SH3GL2: variants seen among roughly 807,000 people sequenced by gnomAD.
SH3GL2 encodes the protein SH3 domain containing GRB2 like 2, endophilin A1.
In SH3GL2, 24 loss-of-function variants were observed where a neutral mutation model predicts 46.0. The observed-to-expected ratio is 0.52, with a 90% CI of 0.38 to 0.73. SH3GL2 has a LOEUF of 0.73. SH3GL2 is among the 30% of genes least tolerant of loss of function. The probability of loss-of-function intolerance (pLI) is 0.00; values close to 1 mark genes in which losing one functional copy is unlikely to be tolerated. For missense variants in SH3GL2, 413 were observed against 424.2 expected (o/e 0.97, Z 0.23); for synonymous variants, 196 against 147.1 (o/e 1.33, Z -2.40).
intron 1 of SH3GL2, among the ~76,000 whole-genome samples, chr9:17,581,510 T>A (rs1818276786): frequency 6.6e-6 from 1 of 152,206 alleles, no homozygotes; most frequent in African/African-American, 2.4e-5. Context: ...TAGGAGAGTA[T>A]GTAAAGCCCA....
chr9:17,589,460 A>C (rs1588158974), intron 1 of SH3GL2: 1 of 150,722 alleles, frequency 6.6e-6, no homozygotes, highest in Admixed American at 6.6e-5. Context: ...TTTTTTTTTT[A>C]ACAGTGGCAC....
Position 17,605,326 on chromosome 9 carries a change from C to T in SH3GL2, c.45+26039C>T, listed in dbSNP as rs548685769. On this transcript the variant is annotated intron_variant, in intron 1 of 8. Coordinates refer to ENST00000380607, the MANE Select transcript of SH3GL2 (RefSeq NM_003026.5). ...CCAGGTAATAGACATCCCCTCACTA[C>T]TGACTCATCCTCTTCCTGACTGTTT... is the stretch of plus-strand genomic sequence containing the variant. 3.5e-4 allele frequency among the ~76,000 whole-genome samples: 53 copies of T among 152,262 alleles called. No homozygotes were observed. In the South Asian group the frequency reaches 0.01, roughly 30 times the overall value.
intron 6 of SH3GL2, among the ~76,000 whole-genome samples, chr9:17,790,809 A>G (rs946220689): frequency 2.6e-5 from 4 of 152,130 alleles, no homozygotes; most frequent in African/African-American, 9.7e-5. Context: ...ACATTATGTG[A>G]GATATTGTCA....
intron 1 of SH3GL2, among the ~76,000 whole-genome samples, chr9:17,738,655 G>A (rs1405382418): frequency 7.8e-6 from 1 of 127,568 alleles, no homozygotes; most frequent in Non-Finnish European, 1.7e-5. Flanking sequence ...GAGAGAGAGA[G>A]AGAGAGAGAG....
intron 1 of SH3GL2, among the ~76,000 whole-genome samples, chr9:17,701,604 A>G (rs1443442183): frequency 1.3e-5 from 2 of 152,176 alleles, no homozygotes; most frequent in Non-Finnish European, 2.9e-5. Context: ...AACAATAAGC[A>G]TGTTCATTTT....
At chr9:17,770,083 G>A (rs764408695) in intron 3 of SH3GL2, among the ~76,000 whole-genome samples, 4 of 152,152 alleles carry the variant, frequency 2.6e-5, no homozygotes, top group Non-Finnish European at 5.9e-5. Flanking sequence ...GTCGTGGTCT[G>A]CAGACTTTTA....
chr9:17,646,421 C>G (rs1819819093), intron 1 of SH3GL2, among the ~76,000 whole-genome samples: 1 of 152,136 alleles, frequency 6.6e-6, no homozygotes, highest in East Asian at 2.0e-4. Context: ...CCTTTGCTGG[C>G]AAGGAGTTGT....
At chr9:17,747,826 A>C (rs1314007228) in intron 2 of SH3GL2, among the ~76,000 whole-genome samples, 2 of 151,920 alleles carry the variant, frequency 1.3e-5, no homozygotes, top group African/African-American at 4.8e-5. Context: ...GGCACGCACC[A>C]CCACGTCTGG....
chr9:17,765,365 G>A (rs1010766341), intron 3 of SH3GL2, among the ~76,000 whole-genome samples: 7 of 152,164 alleles, frequency 4.6e-5, no homozygotes, highest in Non-Finnish European at 7.4e-5. Flanking sequence ...TCACGTCTTG[G>A]GGGTGTGGAG....
chr9:17,777,361 G>A (rs1338523643), intron 3 of SH3GL2, among the ~76,000 whole-genome samples: 1 of 152,084 alleles, frequency 6.6e-6, no homozygotes, highest in African/African-American at 2.4e-5. Flanking sequence ...CACAAATATA[G>A]TAATTCAGAT....
intron 1 of SH3GL2, among the ~76,000 whole-genome samples, chr9:17,655,691 C>T (rs1445947768): frequency 6.6e-6 from 1 of 152,102 alleles, no homozygotes; most frequent in Non-Finnish European, 1.5e-5. Flanking sequence ...TTCTGATGTA[C>T]TTGCTGTTCT....
intron 1 of SH3GL2, among the ~76,000 whole-genome samples, chr9:17,719,982 C>T (rs111292718): frequency 6.6e-6 from 1 of 151,666 alleles, no homozygotes. Flanking sequence ...AAAAAAACCT[C>T]CTCTTTATTT....
chr9:17,691,632 A>G (rs1487102658), intron 1 of SH3GL2, among the ~76,000 whole-genome samples: 1 of 152,124 alleles, frequency 6.6e-6, no homozygotes, highest in African/African-American at 2.4e-5. Flanking sequence ...AAAATCTGCA[A>G]ATTGAGTTGC....
intron 1 of SH3GL2, among the ~76,000 whole-genome samples, chr9:17,596,579 C>T (rs1180911839): frequency 6.6e-6 from 1 of 152,026 alleles, no homozygotes; most frequent in Non-Finnish European, 1.5e-5. Context: ...CAGTGCCATT[C>T]TAGCAAAAAA....
intron 1 of SH3GL2, among the ~76,000 whole-genome samples, chr9:17,678,131 G>A (rs553272062): frequency 3.9e-4 from 59 of 152,178 alleles, no homozygotes; most frequent in African/African-American, 1.3e-3. Context: ...ATGATTTATA[G>A]TCCTTTGGGT....
chr9:17,642,850 T>C (rs1007609616), intron 1 of SH3GL2, among the ~76,000 whole-genome samples: 2 of 152,336 alleles, frequency 1.3e-5, no homozygotes, highest in South Asian at 4.1e-4. Flanking sequence ...TGGTTCCATA[T>C]GACATTTAAA....
intron 1 of SH3GL2, among the ~76,000 whole-genome samples, chr9:17,613,932 C>G (rs910556461): frequency 2.0e-5 from 3 of 152,150 alleles, no homozygotes; most frequent in African/African-American, 4.8e-5. Flanking sequence ...CCTGGTAAAT[C>G]AAATGAATGA....
intron 1 of SH3GL2, chr9:17,589,372 C>T (rs1031251581): frequency 6.6e-6 from 1 of 152,154 alleles, no homozygotes. Context: ...AGATTTTTTT[C>T]TACAGTGCTT....
At chr9:17,758,595 A>AAAAAAAAAAAAAAAAAAAAG (rs1823076442) in intron 2 of SH3GL2, among the ~76,000 whole-genome samples, 1 of 145,788 alleles carries the variant, frequency 6.9e-6, no homozygotes, top group Admixed American at 6.9e-5. Context: ...AAAAAAAAAA[A>AAAAAAAAAAAAAAAAAAAAG]TTGCAGTCAG....
Sources: gnomAD v4.1 joint callset for allele counts (sites outside exome capture counted in the v4.1 genomes callset) on GRCh38, gnomAD v4.1.1 for gene constraint, MANE v1.5 for transcripts, NCBI Gene and HGNC (gene_info 2026-07-23, HGNC 2026-07-21) for gene names.